The following KPNA4 variants were observed in gnomAD, a reference collection of about 807,000 sequenced individuals.
KPNA4 encodes importin subunit alpha-3.
Under a neutral mutation model 71.3 loss-of-function variants are expected in KPNA4, and 13 were observed. That is an observed-to-expected ratio of 0.18 (90% confidence interval 0.12 to 0.29). The LOEUF (loss-of-function observed/expected upper bound fraction) is 0.29. Ranked by LOEUF, KPNA4 falls within the 10% of genes least tolerant of loss-of-function variation. The probability of loss-of-function intolerance (pLI) is 1.00; values close to 1 mark genes in which losing one functional copy is unlikely to be tolerated. For missense variants in KPNA4, 334 were observed against 603.2 expected, an observed-to-expected ratio of 0.55 and a Z score of 4.67; for synonymous variants, 189 against 195.2, an observed-to-expected ratio of 0.97 and a Z score of 0.26.
chr3:160,495,267 A>G lies in KPNA4; in HGVS notation c.*6837T>C, dbSNP rs1399122959. 2.6e-5 allele frequency: 4 copies of G among 152,334 alleles called. No individual in the cohort carries two copies. In the East Asian group the frequency reaches 5.8e-4, roughly 22 times the overall value. The allele number at this position is 152,334 out of a possible 1,614,324, so 9.4% of individuals were successfully genotyped here. On this transcript the variant is annotated 3_prime_UTR_variant, in exon 17 of 17. Transcript: ENST00000334256. ...ATAGGTAGGCCTGGATATACTCCTG[A>G]CTTCTTGAAGGAGTAAATATCTAGA...
intron 16 of KPNA4, among the ~76,000 whole-genome samples, chr3:160,504,164 CTG>C (rs984834511): frequency 6.6e-6 from 1 of 152,176 alleles, no homozygotes; most frequent in Non-Finnish European, 1.5e-5. Context: ...GCTTAAACAA[CTG>C]TAAGTAAATA....
intron 11 of KPNA4, among the ~76,000 whole-genome samples, chr3:160,517,409 G>T (rs987857707): frequency 1.3e-5 from 2 of 151,972 alleles, no homozygotes; most frequent in African/African-American, 4.8e-5. Context: ...TACAAATAAC[G>T]CTGCTGTGAA....
At chr3:160,561,281 C>T (rs1433557090) in intron 1 of KPNA4, among the ~76,000 whole-genome samples, 1 of 151,868 alleles carries the variant, frequency 6.6e-6, no homozygotes, top group Non-Finnish European at 1.5e-5. Context: ...AGAAAATTCC[C>T]CTCTACTTTA....
At position 160,521,829 on chromosome 3, in the gene KPNA4, T is replaced by C. The variant is rs747122090; in HGVS notation, c.853A>G (p.Ile285Val). The part of the protein sequence containing the change: ...EQIQMVIDSG[I>V]VPHLVPLLSH... ...AGCAGAGGAACCAAATGAGGAACTA[T>C]TCCAGAGTCTATTACCATCTGTATT... The change falls in exon 11 of 17, where the codon ATA becomes GTA. Residue 285 changes from isoleucine (I) to valine (V), a missense_variant. Coordinates refer to ENST00000334256, the MANE Select transcript of KPNA4 (RefSeq NM_002268.5). 3 of 1,612,884 alleles carry C rather than the reference T, an allele frequency of 1.9e-6. No homozygotes were observed. The South Asian group carries it at 3.3e-5, about 18-fold the overall frequency.
chr3:160,502,050 A>G lies in KPNA4; in HGVS notation c.*54T>C. ...TATATATATATATATACACACACAC[A>G]TATATATATATATATCTCAGTGCTG... On this transcript the variant is annotated 3_prime_UTR_variant, in exon 17 of 17. Transcript: ENST00000334256. 2.2e-6 allele frequency: 1 copy of G among 450,490 alleles called. No homozygotes were observed. Among genetic ancestry groups the G allele is most frequent in the Non-Finnish European group, 3.8e-6 (1 of 260,370 alleles). The allele number at this position is 450,490 out of a possible 1,614,324, so 27.9% of individuals were successfully genotyped here.
intron 13 of KPNA4, among the ~76,000 whole-genome samples, chr3:160,513,281 G>T (rs778906183): frequency 1.0e-4 from 13 of 127,662 alleles, no homozygotes; most frequent in Non-Finnish European, 2.0e-4. Flanking sequence ...TTTGAGACAG[G>T]GTCTTGCTCT....
chr3:160,512,827 A>G (rs547985917), intron 13 of KPNA4, among the ~76,000 whole-genome samples: 2 of 138,282 alleles, frequency 1.4e-5, no homozygotes, highest in Admixed American at 1.4e-4. Context: ...GAGACCGTCT[A>G]AAAAAAAACA....
At chr3:160,563,059 A>G (rs1263587173) in intron 1 of KPNA4, among the ~76,000 whole-genome samples, 1 of 152,232 alleles carries the variant, frequency 6.6e-6, no homozygotes, top group African/African-American at 2.4e-5. Flanking sequence ...ACATACATCC[A>G]CACAAAAATG....
chr3:160,517,478 A>AAG (rs1194261607), intron 11 of KPNA4, among the ~76,000 whole-genome samples: 1 of 152,094 alleles, frequency 6.6e-6, no homozygotes, highest in Non-Finnish European at 1.5e-5. Flanking sequence ...GTATGTACCT[A>AAG]AGAGTAATTA....
chr3:160,553,712 T>C (rs1450634085), intron 1 of KPNA4, among the ~76,000 whole-genome samples: 1 of 152,214 alleles, frequency 6.6e-6, no homozygotes. Context: ...AAAAAATTAT[T>C]AAACTTACCT....
intron 1 of KPNA4, among the ~76,000 whole-genome samples, chr3:160,545,770 G>A (rs1419046750): frequency 1.3e-5 from 2 of 152,164 alleles, no homozygotes; most frequent in African/African-American, 4.8e-5. Context: ...TAATATCTTG[G>A]ACCAGAGTGG....
chr3:160,521,724 G>A (rs1721353549), intron 11 of KPNA4, 55 bp downstream of exon 11: 5 of 1,523,210 alleles, frequency 3.3e-6, no homozygotes, highest in East Asian at 2.3e-5. Flanking sequence ...TGAATGCCAT[G>A]CTTAAAGCAA....
Position 160,502,028 on chromosome 3 carries a change from A to G in KPNA4, c.*76T>C. The G allele has an allele frequency of 2.5e-6, 1 of 393,602 alleles. No individual in the cohort carries two copies. Among genetic ancestry groups the G allele is most frequent in the Non-Finnish European group, 4.5e-6 (1 of 224,442 alleles). The allele number at this position is 393,602 out of a possible 1,614,324, so 24.4% of individuals were successfully genotyped here. On this transcript the variant is annotated 3_prime_UTR_variant, in exon 17 of 17. Transcript: ENST00000334256. ...CAAACCTTTTTATATATATGTATAT[A>G]TATATATATATACACACACACATAT...
intron 1 of KPNA4, among the ~76,000 whole-genome samples, chr3:160,538,821 A>C (rs1721739345): frequency 6.6e-6 from 1 of 152,108 alleles, no homozygotes; most frequent in African/African-American, 2.4e-5. Flanking sequence ...CTAATACACT[A>C]TACAGTAACT....
intron 12 of KPNA4, among the ~76,000 whole-genome samples, chr3:160,514,487 G>C (rs1318445820): frequency 1.3e-5 from 2 of 152,156 alleles, no homozygotes; most frequent in Non-Finnish European, 2.9e-5. Context: ...ATGAAATAAT[G>C]AATGAGCAAA....
At chr3:160,515,115 A>T (rs780830015) in intron 12 of KPNA4, 1 of 520,380 alleles carries the variant, frequency 1.9e-6, no homozygotes, top group Admixed American at 1.9e-5. Flanking sequence ...ACACACATGC[A>T]TACACACTCT....
intron 13 of KPNA4, among the ~76,000 whole-genome samples, chr3:160,511,714 TTA>T (rs10666878): frequency 6.8e-5 from 10 of 146,468 alleles, no homozygotes; most frequent in South Asian, 2.1e-4. Context: ...TTTGTTATTT[TTA>T]TATATATATA....
rs200115319 is a variant in KPNA4, at chr3:160,529,378, C to A, written c.470-1339G>T. Among the ~76,000 whole-genome samples, 20 of 152,260 alleles carry A rather than the reference C, an allele frequency of 1.3e-4. 1 individual carries two copies. The highest frequency in any genetic ancestry group is 4.6e-4 in the African/African-American group (19 of 41,556). On this transcript the variant is annotated intron_variant, in intron 7 of 16. Transcript: ENST00000334256. ...AGGGAATAAAACATTGTTATGAAAC[C>A]AAAAATTTTCCTAAGAGTCAGCTAT...
Position 160,565,506 on chromosome 3 carries a change from T to G in KPNA4, c.-224A>C, listed in dbSNP as rs1722334137. Reference sequence around the variant, plus strand: ...ACTGCAGCTCCGGCAAAGACAACTGTGGGGCCGGGCGGCGGCAAGGCGACG... The same window carrying G: ...ACTGCAGCTCCGGCAAAGACAACTGGGGGGCCGGGCGGCGGCAAGGCGACG... On this transcript the variant is annotated 5_prime_UTR_variant, in exon 1 of 17. Coordinates refer to ENST00000334256, the MANE Select transcript of KPNA4 (RefSeq NM_002268.5). 3 of 537,792 alleles carry G rather than the reference T, an allele frequency of 5.6e-6. No individual in the cohort carries two copies. The highest frequency in any genetic ancestry group is 9.8e-6 in the Non-Finnish European group (3 of 306,532). The allele number at this position is 537,792 out of a possible 1,614,324, so 33.3% of individuals were successfully genotyped here. A position where few individuals can be genotyped will look rare whatever the true frequency, so the allele number is the denominator to read the frequency against.
Sources: gnomAD v4.1 joint callset for allele counts (sites outside exome capture counted in the v4.1 genomes callset) on GRCh38, gnomAD v4.1.1 for gene constraint, MANE v1.5 for transcripts, NCBI Gene and HGNC (gene_info 2026-07-23, HGNC 2026-07-21) for gene names.